GABARAPL2: variants seen among roughly 807,000 people sequenced by gnomAD.
GABARAPL2 encodes GABA type A receptor associated protein like 2, also known as gamma-aminobutyric acid receptor-associated protein-like 2.
In GABARAPL2, 11 loss-of-function variants were observed where a neutral mutation model predicts 16.9. The observed-to-expected ratio is 0.65, with a 90% CI of 0.41 to 1.08. The LOEUF (loss-of-function observed/expected upper bound fraction) is 1.08, where lower values mean the gene tolerates loss of function less well. Ranked by LOEUF, GABARAPL2 falls within the 50% of genes least tolerant of loss-of-function variation. The pLI is 0.00. For missense variants in GABARAPL2, 134 were observed against 142.5 expected, an observed-to-expected ratio of 0.94 and a Z score of 0.30; for synonymous variants, 57 against 50.7, an observed-to-expected ratio of 1.12 and a Z score of -0.53.
chr16:75,568,415 G>C (rs1229358773), intron 3 of GABARAPL2: 8 of 410,252 alleles, frequency 2.0e-5, no homozygotes, highest in Non-Finnish European at 3.5e-5. Flanking sequence ...AACAAGGCCT[G>C]GACTTTTAAA....
At position 75,574,263 on chromosome 16, in the gene GABARAPL2, C is replaced by T. The variant is rs558166161; in HGVS notation, c.264-3016C>T. ...TCTTCAAATGTTTCTAATGTAGCAG[C>T]GGGATTTAGAATCATTGTACTAGGG... On this transcript the variant is annotated intron_variant, in intron 3 of 3. Transcript: ENST00000037243. Among the ~76,000 whole-genome samples the T allele has an allele frequency of 4.6e-5, 7 of 152,220 alleles. No homozygotes were observed. In the South Asian group the frequency reaches 1.0e-3, roughly 23 times the overall value.
chr16:75,566,640 C>A, intron 1 of GABARAPL2, 120 bp downstream of exon 1: 3 of 1,172,132 alleles, frequency 2.6e-6, no homozygotes, highest in South Asian at 2.8e-5. Flanking sequence ...GGGCTGGAGT[C>A]GCCCATGCCC....
At chr16:75,573,484 A>C (rs1326589648) in intron 3 of GABARAPL2, among the ~76,000 whole-genome samples, 2 of 152,250 alleles carry the variant, frequency 1.3e-5, no homozygotes, top group Non-Finnish European at 2.9e-5. Flanking sequence ...CTATAAGGAC[A>C]CAGTGCTACT....
At position 75,568,039 on chromosome 16, in the gene GABARAPL2, G is replaced by A; in HGVS notation, c.93G>A (p.Val31=). The A allele has an allele frequency of 6.3e-7, 1 of 1,599,280 alleles. No individual in the cohort carries two copies. Among genetic ancestry groups the A allele is most frequent in the Admixed American group, 1.7e-5 (1 of 59,826 alleles). Residue 31 remains valine (V), a splice_region_variant and synonymous_variant, in exon 3 of 4, where the codon GTG becomes GTA. Transcript: ENST00000037243. ...IRAKYPDRVP[V]IVEKVSGSQI... Reference sequence around the variant, plus strand: ...CTGACCTCTCTTTACTTTCCCAGGTGATTGTGGAAAAGGTCTCAGGCTCTC... The same window carrying A: ...CTGACCTCTCTTTACTTTCCCAGGTAATTGTGGAAAAGGTCTCAGGCTCTC...
At chr16:75,577,227 C>T in intron 3 of GABARAPL2, 52 bp from the exon 4 acceptor site, 1 of 1,134,918 alleles carries the variant, frequency 8.8e-7, no homozygotes, top group Non-Finnish European at 1.3e-6. Flanking sequence ...TCCTTTTTCT[C>T]CTGAAACCTG....
chr16:75,574,900 G>A (rs1445286516), intron 3 of GABARAPL2, among the ~76,000 whole-genome samples: 1 of 151,948 alleles, frequency 6.6e-6, no homozygotes, highest in Non-Finnish European at 1.5e-5. Context: ...AGGCGTGGTG[G>A]CATGCACCTG....
Position 75,568,224 on chromosome 16 carries a change from C to G in GABARAPL2, c.263+15C>G, listed in dbSNP as rs1161057005. 2 of 1,563,324 alleles carry G rather than the reference C, an allele frequency of 1.3e-6. No homozygotes were observed. The highest frequency in any genetic ancestry group is 1.8e-6 in the Non-Finnish European group (2 of 1,138,554). Reference sequence around the variant, plus strand: ...CCACAGTCCAGGTGAGAGGTGTTTACTAGATGGGCCCTCTGGTATTAGACA... The same window carrying G: ...CCACAGTCCAGGTGAGAGGTGTTTAGTAGATGGGCCCTCTGGTATTAGACA... On this transcript the variant is annotated intron_variant, in intron 3 of 3. Coordinates refer to ENST00000037243, the MANE Select transcript of GABARAPL2 (RefSeq NM_007285.7).
intron 3 of GABARAPL2, among the ~76,000 whole-genome samples, chr16:75,571,979 A>G (rs943618420): frequency 6.6e-6 from 1 of 151,390 alleles, no homozygotes; most frequent in Non-Finnish European, 1.5e-5. Flanking sequence ...CTCCCGGCCT[A>G]GTTGTTCTTT....
intron 3 of GABARAPL2, among the ~76,000 whole-genome samples, chr16:75,573,833 C>T (rs2080930958): frequency 6.6e-6 from 1 of 152,164 alleles, no homozygotes; most frequent in African/African-American, 2.4e-5. Flanking sequence ...GTTTTGTGAC[C>T]TGGAGTGAAT....
chr16:75,577,134 C>G lies in GABARAPL2; in HGVS notation c.264-145C>G, dbSNP rs1012920169. 1.7e-5 allele frequency: 10 copies of G among 592,790 alleles called. No individual in the cohort carries two copies. In the African/African-American group the frequency reaches 1.9e-4, roughly 11 times the overall value. 36.7% of individuals were successfully genotyped at this position (592,790 alleles called of 1,614,324 possible). ...ATTTATTTTAATCTTTTTATGGCTC[C>G]TTTCTCTTGCTTTAAAACAGGATTA... On this transcript the variant is annotated intron_variant, in intron 3 of 3. Coordinates refer to ENST00000037243, the MANE Select transcript of GABARAPL2 (RefSeq NM_007285.7).
chr16:75,574,037 A>G (rs527584415), intron 3 of GABARAPL2, among the ~76,000 whole-genome samples: 1 of 152,362 alleles, frequency 6.6e-6, no homozygotes, highest in South Asian at 2.1e-4. Flanking sequence ...AAACAAATTA[A>G]TGAACCCAAG....
At position 75,566,432 on chromosome 16, in the gene GABARAPL2, G is replaced by T. The variant is rs538191374; in HGVS notation, c.-55G>T. The T allele has an allele frequency of 2.5e-5, 34 of 1,360,902 alleles. 1 individual carries two copies. The South Asian group carries it at 4.1e-4, about 16-fold the overall frequency. The allele number at this position is 1,360,902 out of a possible 1,614,324, so 84.3% of individuals were successfully genotyped here. Reference sequence around the variant, plus strand: ...GCCGCCGTCGTTGTTGTTGTGCTCGGTGCGCTGAGCTCCGCGGCTCCGCGA... The same window carrying T: ...GCCGCCGTCGTTGTTGTTGTGCTCGTTGCGCTGAGCTCCGCGGCTCCGCGA... On this transcript the variant is annotated 5_prime_UTR_variant, in exon 1 of 4. Transcript: ENST00000037243.
intron 3 of GABARAPL2, among the ~76,000 whole-genome samples, chr16:75,571,593 C>T (rs2080914771): frequency 1.3e-5 from 2 of 152,094 alleles, no homozygotes; most frequent in African/African-American, 2.4e-5. Flanking sequence ...TCTCACCCCA[C>T]ACTTAATCAT....
At chr16:75,575,930 C>G (rs1371117533) in intron 3 of GABARAPL2, 8 of 152,228 alleles carry the variant, frequency 5.3e-5, no homozygotes, top group Admixed American at 4.6e-4. Context: ...AAGTCTGAAG[C>G]CTTGTTTATG....
At chr16:75,566,776 A>T in intron 1 of GABARAPL2, 76 bp from the exon 2 acceptor site, 1 of 1,339,190 alleles carries the variant, frequency 7.5e-7, no homozygotes, top group Non-Finnish European at 1.1e-6. Context: ...CGCAGGGCGC[A>T]GGAGGAGGAG....
chr16:75,572,128 C>G (rs1335004087), intron 3 of GABARAPL2: 2 of 152,086 alleles, frequency 1.3e-5, no homozygotes, highest in Non-Finnish European at 2.9e-5. Flanking sequence ...CGCCACTGCA[C>G]TCCAGCCTGG....
In GABARAPL2 at chr16:75,566,480, C is replaced by T. The variant is rs767786332; in HGVS notation, c.-7C>T. The T allele has an allele frequency of 6.9e-6, 11 of 1,605,206 alleles. No individual in the cohort carries two copies. Among genetic ancestry groups the T allele is most frequent in the Non-Finnish European group, 8.5e-6 (10 of 1,176,538 alleles). On this transcript the variant is annotated 5_prime_UTR_variant, in exon 1 of 4. Transcript: ENST00000037243. Reference sequence around the variant, plus strand: ...CGAGCCGGTTCCGTCCCCTTCCCGCCGCCGCCATGAAGTGGATGTTCAAGG... The same window carrying T: ...CGAGCCGGTTCCGTCCCCTTCCCGCTGCCGCCATGAAGTGGATGTTCAAGG...
At chr16:75,570,357 A>T (rs1166698863) in intron 3 of GABARAPL2, among the ~76,000 whole-genome samples, 1 of 152,242 alleles carries the variant, frequency 6.6e-6, no homozygotes, top group Non-Finnish European at 1.5e-5. Context: ...AAAAAGTGCT[A>T]CAGGGTCCTT....
chr16:75,577,252 A>G (rs755330444), intron 3 of GABARAPL2, 27 bp from the exon 4 acceptor site: 11 of 1,445,824 alleles, frequency 7.6e-6, no homozygotes, highest in African/African-American at 1.4e-5. Flanking sequence ...CCAATTTTCA[A>G]TGACGTTTTT....
Sources: gnomAD v4.1 joint callset for allele counts (sites outside exome capture counted in the v4.1 genomes callset) on GRCh38, gnomAD v4.1.1 for gene constraint, MANE v1.5 for transcripts, NCBI Gene and HGNC (gene_info 2026-07-23, HGNC 2026-07-21) for gene names.